The following CCNJL variants were observed in gnomAD, a reference collection of about 807,000 sequenced individuals.
CCNJL encodes cyclin-J-like protein.
In CCNJL, 33 loss-of-function variants were observed where a neutral mutation model predicts 33.4. That is an observed-to-expected ratio of 0.99 (90% CI 0.75 to 1.32). The LOEUF is 1.32. Ranked by LOEUF, CCNJL falls within the 40% of genes most tolerant of loss-of-function variation. The pLI, the probability that CCNJL is intolerant of heterozygous loss-of-function variation, is 0.00. For synonymous variants in CCNJL, 227 were observed against 220.9 expected (o/e 1.03, Z -0.24); for missense variants, 512 against 499.7 (o/e 1.02, Z -0.23).
intron 2 of CCNJL, among the ~76,000 whole-genome samples, chr5:160,300,020 C>T (rs1053114801): frequency 6.6e-5 from 10 of 152,058 alleles, no homozygotes; most frequent in Non-Finnish European, 1.3e-4. Context: ...ATCCAATTCC[C>T]GATGCTTCTG....
intron 5 of CCNJL, chr5:160,254,518 A>G: frequency 2.3e-6 from 1 of 436,722 alleles, no homozygotes; most frequent in Non-Finnish European, 4.0e-6. Flanking sequence ...GAGGAATGAG[A>G]TAAAGACAGC....
intron 1 of CCNJL, among the ~76,000 whole-genome samples, chr5:160,327,383 A>C (rs1016877561): frequency 1.1e-4 from 16 of 152,254 alleles, no homozygotes; most frequent in African/African-American, 3.4e-4. Context: ...TTAACTTAGG[A>C]AGATGTTGGG....
At chr5:160,267,724 T>A (rs1266293187) in intron 3 of CCNJL, among the ~76,000 whole-genome samples, 1 of 152,192 alleles carries the variant, frequency 6.6e-6, no homozygotes, top group African/African-American at 2.4e-5. Flanking sequence ...AAAAAATTTT[T>A]AAAAATTGTT....
intron 2 of CCNJL, among the ~76,000 whole-genome samples, chr5:160,295,924 A>G (rs1194012264): frequency 2.0e-5 from 3 of 152,192 alleles, no homozygotes; most frequent in African/African-American, 7.2e-5. Flanking sequence ...TCACCGAATC[A>G]GAATTCCTGG....
chr5:160,275,378 G>A (rs1254292416), intron 3 of CCNJL, among the ~76,000 whole-genome samples: 3 of 152,156 alleles, frequency 2.0e-5, no homozygotes, highest in African/African-American at 7.2e-5. Flanking sequence ...GAGTCACCGT[G>A]CCCGGCTGAG....
intron 2 of CCNJL, among the ~76,000 whole-genome samples, chr5:160,295,941 A>T (rs775492403): frequency 3.3e-5 from 5 of 152,138 alleles, no homozygotes; most frequent in Admixed American, 6.5e-5. Flanking sequence ...CTGGGGATGG[A>T]GCTGGGCACC....
intron 2 of CCNJL, among the ~76,000 whole-genome samples, chr5:160,302,006 A>C (rs1260144214): frequency 1.3e-5 from 2 of 152,192 alleles, no homozygotes; most frequent in Non-Finnish European, 2.9e-5. Flanking sequence ...CTGGGATTAC[A>C]GGCATGAGCC....
In CCNJL at chr5:160,264,015, G is replaced by A. The variant is rs376480966; in HGVS notation, c.281-4244C>T. On this transcript the variant is annotated intron_variant, in intron 3 of 5. Transcript: ENST00000257536. Reference sequence around the variant, plus strand: ...GCTGGAGTGCAAGTAGCTCAATCTCGGCTCACCATATCTTCAACTTCCTGG... The same window carrying A: ...GCTGGAGTGCAAGTAGCTCAATCTCAGCTCACCATATCTTCAACTTCCTGG... Among the ~76,000 whole-genome samples the A allele has an allele frequency of 4.7e-5, 7 of 147,702 alleles. No homozygotes were observed. The South Asian group carries it at 1.1e-3, about 23-fold the overall frequency.
chr5:160,258,602 G>C, intron 4 of CCNJL: 1 of 1,323,384 alleles, frequency 7.6e-7, no homozygotes, highest in Non-Finnish European at 1.1e-6. Flanking sequence ...TGTAGTTGAA[G>C]TCTGTGGATG....
intron 2 of CCNJL, among the ~76,000 whole-genome samples, chr5:160,301,279 A>T (rs1762911758): frequency 6.6e-6 from 1 of 152,238 alleles, no homozygotes; most frequent in Non-Finnish European, 1.5e-5. Flanking sequence ...AAAAAGGAGC[A>T]GGCAGAAAGG....
At position 160,253,614 on chromosome 5, in the gene CCNJL, G is replaced by A. The variant is rs533035690; in HGVS notation, c.928C>T (p.Arg310Trp). 17 of 1,613,526 alleles carry A rather than the reference G, an allele frequency of 1.1e-5. No individual in the cohort carries two copies. The highest frequency in any genetic ancestry group is 8.9e-5 in the East Asian group (4 of 44,862). ...GAACGGTGGGCCTGCAAGGAGTCCC[G>A]ATAGGCCAAGCATAGGTCCTGCACG... ...TPVQDLCLAYRDSLQAHRSGS... is the reference protein window; with the variant it reads ...TPVQDLCLAYWDSLQAHRSGS... The change falls in exon 6 of 6, where the codon CGG becomes TGG. Residue 310 changes from arginine to tryptophan, a missense_variant. Physicochemically the swap from Arg to Trp is moderately radical, Grantham distance 101. Transcript: ENST00000257536.
chr5:160,288,289 C>G (rs1179196787), intron 2 of CCNJL, among the ~76,000 whole-genome samples: 1 of 152,118 alleles, frequency 6.6e-6, no homozygotes, highest in East Asian at 1.9e-4. Flanking sequence ...TGCATAACCA[C>G]TTTATTACTT....
At chr5:160,283,181 T>A (rs1762297458) in intron 2 of CCNJL, among the ~76,000 whole-genome samples, 1 of 151,570 alleles carries the variant, frequency 6.6e-6, no homozygotes, top group African/African-American at 2.4e-5. Flanking sequence ...CAACAGAATA[T>A]TACACATGTT....
At chr5:160,294,056 G>A (rs1036055128) in intron 2 of CCNJL, among the ~76,000 whole-genome samples, 1 of 152,146 alleles carries the variant, frequency 6.6e-6, no homozygotes, top group African/African-American at 2.4e-5. Context: ...CCGCAGAGAG[G>A]TGAAGAAACA....
intron 1 of CCNJL, among the ~76,000 whole-genome samples, chr5:160,323,850 T>G (rs1039218926): frequency 2.0e-5 from 3 of 152,248 alleles, no homozygotes; most frequent in African/African-American, 7.2e-5. Context: ...GAATTTCTTT[T>G]TCTGTCTGTC....
intron 5 of CCNJL, chr5:160,254,004 T>C (rs934326814): frequency 4.2e-6 from 2 of 481,004 alleles, no homozygotes; most frequent in African/African-American, 2.0e-5. Context: ...TTGGATCTGC[T>C]TCCTACAGAA....
intron 2 of CCNJL, among the ~76,000 whole-genome samples, chr5:160,297,785 T>C (rs1762796492): frequency 6.6e-6 from 1 of 152,146 alleles, no homozygotes; most frequent in South Asian, 2.1e-4. Context: ...AGGACAAATG[T>C]GTTAAAATGT....
intron 1 of CCNJL, among the ~76,000 whole-genome samples, chr5:160,337,295 C>T (rs923757931): frequency 2.6e-5 from 4 of 151,844 alleles, no homozygotes; most frequent in African/African-American, 7.3e-5. Flanking sequence ...GCTGGGATTA[C>T]AGGTGTAAGC....
Position 160,330,275 on chromosome 5 carries a change from C to A in CCNJL, n.206+9170G>T, listed in dbSNP as rs553224688. On this transcript the variant is annotated intron_variant and non_coding_transcript_variant, in intron 1 of 7. Transcript: ENST00000377503. The stretch of plus-strand genomic sequence containing the variant: ...AACATCCTGAAGTCCAGGCTCCTCA[C>A]CAGACCAATAAAATAAAATTTCAGA... 7.2e-5 allele frequency among the ~76,000 whole-genome samples: 11 copies of A among 152,264 alleles called. No homozygotes were observed. In the South Asian group the frequency reaches 2.3e-3, roughly 32 times the overall value.
Sources: gnomAD v4.1 joint callset for allele counts (sites outside exome capture counted in the v4.1 genomes callset) on GRCh38, gnomAD v4.1.1 for gene constraint, MANE v1.5 for transcripts, NCBI Gene and HGNC (gene_info 2026-07-23, HGNC 2026-07-21) for gene names.